Variants in ANK3 observed in about 807,000 individuals in gnomAD.
ANK3 encodes the protein ankyrin-3.
A neutral mutation model predicts 370.9 loss-of-function variants in ANK3; 57 were observed. The ratio of observed to expected loss-of-function variants is 0.15; its 90% CI spans 0.12 to 0.19. The LOEUF (loss-of-function observed/expected upper bound fraction) is 0.19, where lower values mean the gene tolerates loss of function less well. Ranked by LOEUF, ANK3 falls within the 10% of genes least tolerant of loss-of-function variation. ANK3 has a pLI of 1.00. For missense variants in ANK3, 4,439 were observed against 5,302.1 expected, an observed-to-expected ratio of 0.84 and a Z score of 5.06; for synonymous variants, 1,929 against 1,946.3, an observed-to-expected ratio of 0.99 and a Z score of 0.23.
intron 1 of ANK3, among the ~76,000 whole-genome samples, chr10:60,632,386 T>C: frequency 6.6e-6 from 1 of 152,066 alleles, no homozygotes; most frequent in Non-Finnish European, 1.5e-5. Context: ...ATCTTGACTG[T>C]TAGCAAAAAG....
intron 25 of ANK3, among the ~76,000 whole-genome samples, chr10:60,128,092 G>T (rs547307842): frequency 1.3e-5 from 2 of 152,122 alleles, no homozygotes; most frequent in Non-Finnish European, 2.9e-5. Context: ...AGAAATAAAC[G>T]TTAACAAAGA....
chr10:60,166,622 A>C lies in ANK3; in HGVS notation c.2583T>G (p.Ser861Arg), dbSNP rs1304231159. 24 of 1,613,782 alleles carry C rather than the reference A, an allele frequency of 1.5e-5. No individual in the cohort carries two copies. The highest frequency in any genetic ancestry group is 2.2e-5 in the East Asian group (1 of 44,832). ...CAACATCTGAGATATATTCGCCATCACTGAGCATTTCAGGGGCATTGGCTT... is the reference window on the plus strand; with the variant it reads ...CAACATCTGAGATATATTCGCCATCCCTGAGCATTTCAGGGGCATTGGCTT... ...VRKANAPEMLSDGEYISDVEE... is the reference protein window; with the variant it reads ...VRKANAPEMLRDGEYISDVEE... Residue 861 changes from serine to arginine, a missense_variant, in exon 23 of 44, where the codon AGT (serine) becomes AGG (arginine). Physicochemically the swap from Ser to Arg is moderately radical, Grantham distance 110. Coordinates refer to ENST00000280772, the MANE Select transcript of ANK3 (RefSeq NM_020987.5).
At chr10:60,362,875 G>C (rs919575327) in intron 1 of ANK3, among the ~76,000 whole-genome samples, 5 of 152,074 alleles carry the variant, frequency 3.3e-5, no homozygotes, top group Admixed American at 6.5e-5. Context: ...GAAAAACTCT[G>C]TCTGAGGAAT....
intron 2 of ANK3, among the ~76,000 whole-genome samples, chr10:60,451,618 C>G (rs1157178332): frequency 6.6e-6 from 1 of 152,142 alleles, no homozygotes; most frequent in Non-Finnish European, 1.5e-5. Flanking sequence ...TTGTCTTTTC[C>G]TTAACATCCC....
At chr10:60,484,134 C>A (rs985495460) in intron 2 of ANK3, among the ~76,000 whole-genome samples, 1 of 151,942 alleles carries the variant, frequency 6.6e-6, no homozygotes, top group African/African-American at 2.4e-5. Context: ...TAAGGAAATA[C>A]TGAAAATGCA....
At chr10:60,043,139 C>T in intron 42 of ANK3, 1 of 997,888 alleles carries the variant, frequency 1.0e-6, no homozygotes, top group Non-Finnish European at 1.2e-6. Context: ...AAGTACTAAT[C>T]CATGGAAATG....
Position 60,338,862 on chromosome 10 carries a change from G to C in ANK3, c.114+50563C>G, listed in dbSNP as rs1033700651. ...GTGATGAAAATGCAATCTACTCAGAGGCCAAACATATTTAATGTAGAAAAA... is the reference window on the plus strand; with the variant it reads ...GTGATGAAAATGCAATCTACTCAGACGCCAAACATATTTAATGTAGAAAAA... On this transcript the variant is annotated intron_variant, in intron 1 of 43. Coordinates refer to ENST00000280772, the MANE Select transcript of ANK3 (RefSeq NM_020987.5). Among the ~76,000 whole-genome samples the C allele has an allele frequency of 4.6e-5, 7 of 152,232 alleles. No individual in the cohort carries two copies. The East Asian group carries it at 1.4e-3, about 29-fold the overall frequency.
intron 1 of ANK3, among the ~76,000 whole-genome samples, chr10:60,717,226 T>C (rs1226271242): frequency 6.6e-6 from 1 of 152,194 alleles, no homozygotes; most frequent in Non-Finnish European, 1.5e-5. Flanking sequence ...GAGATGTAAA[T>C]TGGTATAACC....
chr10:60,167,045 G>GTCCCTTATGATGTTA (rs1305998023), intron 21 of ANK3, 149 bp from the exon 22 acceptor site: 5 of 696,212 alleles, frequency 7.2e-6, no homozygotes, highest in Non-Finnish European at 1.2e-5. Context: ...CAAAATTGTT[G>GTCCCTTATGATGTTA]TCCCTTAGTG....
At chr10:60,087,007 A>G in intron 29 of ANK3, 123 bp from the exon 30 acceptor site, 1 of 720,586 alleles carries the variant, frequency 1.4e-6, no homozygotes, top group East Asian at 2.8e-5. Context: ...AAAAAAAAAA[A>G]AACCCAGGTC....
intron 1 of ANK3, among the ~76,000 whole-genome samples, chr10:60,369,305 T>C (rs1188754472): frequency 6.6e-6 from 1 of 152,210 alleles, no homozygotes; most frequent in East Asian, 1.9e-4. Flanking sequence ...ATAAACAGTT[T>C]ATTGTTATGA....
chr10:60,167,016 C>A, intron 21 of ANK3, 120 bp from the exon 22 acceptor site: 1 of 814,556 alleles, frequency 1.2e-6, no homozygotes. Flanking sequence ...TCTTGAATCT[C>A]CCACATATAA....
intron 2 of ANK3, among the ~76,000 whole-genome samples, chr10:60,576,296 T>C (rs1278861253): frequency 2.6e-5 from 4 of 152,186 alleles, no homozygotes; most frequent in African/African-American, 9.6e-5. Context: ...TCTGAGACTG[T>C]TCTATTTTTA....
At chr10:60,054,492 T>G (rs946710053) in intron 42 of ANK3, among the ~76,000 whole-genome samples, 1 of 152,050 alleles carries the variant, frequency 6.6e-6, no homozygotes, top group Non-Finnish European at 1.5e-5. Context: ...CACCACCAAA[T>G]CTTATATCAA....
chr10:60,149,387 G>A (rs2094981582), intron 23 of ANK3, among the ~76,000 whole-genome samples: 1 of 152,144 alleles, frequency 6.6e-6, no homozygotes, highest in Non-Finnish European at 1.5e-5. Context: ...ACAGGAAGCA[G>A]GTCAGACTTT....
intron 1 of ANK3, among the ~76,000 whole-genome samples, chr10:60,690,475 T>C (rs1306927986): frequency 3.3e-5 from 5 of 152,210 alleles, no homozygotes; most frequent in African/African-American, 1.2e-4. Context: ...TAGTATAATT[T>C]ATTGAATTTT....
chr10:60,538,026 A>C (rs1381632179), intron 2 of ANK3, among the ~76,000 whole-genome samples: 2 of 151,972 alleles, frequency 1.3e-5, no homozygotes, highest in Non-Finnish European at 2.9e-5. Context: ...CACATCAAAA[A>C]TAATTTCAGA....
intron 1 of ANK3, among the ~76,000 whole-genome samples, chr10:60,350,223 T>C (rs2056563935): frequency 6.6e-6 from 1 of 152,184 alleles, no homozygotes; most frequent in Admixed American, 6.5e-5. Flanking sequence ...CAACAGCCAA[T>C]AAATGTAGGC....
chr10:60,298,908 T>C (rs566142854), intron 1 of ANK3, among the ~76,000 whole-genome samples: 7 of 152,312 alleles, frequency 4.6e-5, no homozygotes, highest in African/African-American at 1.7e-4. Flanking sequence ...TGATCATGCA[T>C]ATGCAAAGTT....
Sources: gnomAD v4.1 joint callset for allele counts (sites outside exome capture counted in the v4.1 genomes callset) on GRCh38, gnomAD v4.1.1 for gene constraint, MANE v1.5 for transcripts, NCBI Gene and HGNC (gene_info 2026-07-23, HGNC 2026-07-21) for gene names.